CPQ: variants seen among roughly 807,000 people sequenced by gnomAD.
CPQ encodes carboxypeptidase Q.
CPQ carries 37 observed loss-of-function variants against 45.7 expected under a neutral mutation model. The observed-to-expected ratio is 0.81, with a 90% confidence interval of 0.62 to 1.07. The LOEUF (loss-of-function observed/expected upper bound fraction) is 1.07. Among genes scored for constraint, CPQ ranks in the 50% least tolerant of loss-of-function variants. The pLI is 0.00. For missense variants in CPQ, 537 were observed against 572.9 expected, an observed-to-expected ratio of 0.94 and a Z score of 0.64; for synonymous variants, 186 against 205.8, an observed-to-expected ratio of 0.90 and a Z score of 0.82.
chr8:96,790,072 C>T (rs1810826660), intron 2 of CPQ, among the ~76,000 whole-genome samples: 1 of 152,068 alleles, frequency 6.6e-6, no homozygotes, highest in Non-Finnish European at 1.5e-5. Context: ...CTACCAGCAC[C>T]CCCTTAATTG....
chr8:97,014,855 A>G (rs777100259), intron 5 of CPQ, among the ~76,000 whole-genome samples: 5 of 152,272 alleles, frequency 3.3e-5, no homozygotes, highest in South Asian at 2.1e-4. Context: ...CACCATAATC[A>G]TAAAAAGGAG....
chr8:96,683,070 C>T (rs72680200), intron 1 of CPQ, among the ~76,000 whole-genome samples: 1,821 of 152,058 alleles, frequency 0.012, 19 homozygotes, highest in South Asian at 0.018. Flanking sequence ...TTTTCTTTAG[C>T]GGTAATGTTT....
intron 1 of CPQ, among the ~76,000 whole-genome samples, chr8:96,675,953 T>C (rs1226972534): frequency 1.3e-5 from 2 of 152,044 alleles, no homozygotes; most frequent in African/African-American, 4.8e-5. Flanking sequence ...TAAGTTCCAA[T>C]TGGCTTTTTA....
intron 1 of CPQ, among the ~76,000 whole-genome samples, chr8:96,715,999 G>A (rs2130757788): frequency 6.6e-6 from 1 of 152,356 alleles, no homozygotes; most frequent in South Asian, 2.1e-4. Flanking sequence ...TAGACTCTGT[G>A]AGATCCTTTG....
chr8:96,727,005 T>C (rs72682322), intron 1 of CPQ, among the ~76,000 whole-genome samples: 4,349 of 152,322 alleles, frequency 0.029, 83 homozygotes, highest in Non-Finnish European at 0.044. Context: ...GTACATAGTT[T>C]ATTCATCCTC....
intron 4 of CPQ, among the ~76,000 whole-genome samples, chr8:96,898,937 T>A (rs531151081): frequency 6.6e-6 from 1 of 152,054 alleles, no homozygotes; most frequent in Non-Finnish European, 1.5e-5. Context: ...AATAGAGTTA[T>A]GGAGAGGCTC....
intron 6 of CPQ, among the ~76,000 whole-genome samples, chr8:97,033,505 CTT>C (rs760014731): frequency 2.4e-4 from 36 of 152,180 alleles, no homozygotes; most frequent in Admixed American, 1.5e-3. Context: ...ACAATGATCT[CTT>C]TCTCGTTTGT....
rs983907694 is a variant in CPQ at position 96,645,284 on chromosome 8, C to G, written c.-153C>G. 1.3e-5 allele frequency: 2 copies of G among 152,388 alleles called. No homozygotes were observed. The highest frequency in any genetic ancestry group is 2.9e-5 in the Non-Finnish European group (2 of 68,084). 9.4% of individuals were successfully genotyped at this position (152,388 alleles called of 1,614,324 possible). A position where few individuals can be genotyped will look rare whatever the true frequency, so the allele number is the denominator to read the frequency against. On this transcript the variant is annotated 5_prime_UTR_variant, in exon 1 of 8. Coordinates refer to ENST00000220763, the MANE Select transcript of CPQ (RefSeq NM_016134.4). ...TGGCCGGCAAGCAGGGCTGCAGTCA[C>G]GGGGCGGCGCGGAGGGCCCCAGCCC...
chr8:96,683,261 T>C (rs1809175754), intron 1 of CPQ, among the ~76,000 whole-genome samples: 1 of 152,196 alleles, frequency 6.6e-6, no homozygotes, highest in Non-Finnish European at 1.5e-5. Flanking sequence ...TTTCTTTCAT[T>C]TCTGAAGGAC....
chr8:97,039,799 C>A (rs559159094), intron 6 of CPQ, among the ~76,000 whole-genome samples: 45 of 152,058 alleles, frequency 3.0e-4, no homozygotes, highest in African/African-American at 9.6e-4. Context: ...CATGTCCCTA[C>A]AAAGGACATG....
intron 7 of CPQ, among the ~76,000 whole-genome samples, chr8:97,096,075 T>A (rs780211094): frequency 5.9e-5 from 9 of 152,180 alleles, no homozygotes; most frequent in Non-Finnish European, 1.3e-4. Context: ...ATGATGATGA[T>A]GATGATAGCT....
intron 5 of CPQ, among the ~76,000 whole-genome samples, chr8:96,993,446 C>G (rs1371580443): frequency 6.6e-6 from 1 of 152,020 alleles, no homozygotes; most frequent in African/African-American, 2.4e-5. Flanking sequence ...GTGGTAGTTC[C>G]ATATTTCTGT....
At chr8:96,820,430 A>G (rs1462499247) in intron 2 of CPQ, among the ~76,000 whole-genome samples, 2 of 151,988 alleles carry the variant, frequency 1.3e-5, no homozygotes, top group Non-Finnish European at 2.9e-5. Flanking sequence ...TTCAGTGGTA[A>G]TAAATGCATT....
chr8:96,689,408 T>C (rs1056897230), intron 1 of CPQ, among the ~76,000 whole-genome samples: 2 of 152,208 alleles, frequency 1.3e-5, no homozygotes, highest in African/African-American at 4.8e-5. Context: ...CATTCTATCC[T>C]GTAACCATAA....
intron 1 of CPQ, among the ~76,000 whole-genome samples, chr8:96,677,680 T>C (rs919946512): frequency 3.9e-5 from 6 of 152,070 alleles, no homozygotes; most frequent in Admixed American, 2.0e-4. Context: ...TTTAATTGGG[T>C]CCCATTTATT....
At chr8:96,716,571 C>A (rs879848386) in intron 1 of CPQ, among the ~76,000 whole-genome samples, 1 of 152,086 alleles carries the variant, frequency 6.6e-6, no homozygotes, top group Non-Finnish European at 1.5e-5. Flanking sequence ...TGAGTGAGAA[C>A]GTACGATGTT....
chr8:96,965,947 A>G lies in CPQ; in HGVS notation c.862A>G (p.Ser288Gly), dbSNP rs768550039. ...SKYPEQVVLV[S>G]GHLDSWDVGQ... ...TTATTTGTTCTAGGTTGTACTGGTC[A>G]GTGGACATCTGGACAGCTGGGATGT... is the stretch of plus-strand genomic sequence containing the variant. The change falls in exon 5 of 8, where the codon AGT becomes GGT. Residue 288 changes from serine to glycine, a missense_variant. Transcript: ENST00000220763. 4 of 1,612,106 alleles carry G rather than the reference A, an allele frequency of 2.5e-6. No individual in the cohort carries two copies. The East Asian group carries it at 6.7e-5, about 27-fold the overall frequency.
intron 7 of CPQ, among the ~76,000 whole-genome samples, chr8:97,125,566 G>A (rs1455988347): frequency 1.3e-5 from 2 of 152,106 alleles, no homozygotes; most frequent in East Asian, 3.8e-4. Flanking sequence ...GAAATTTAAG[G>A]TTGGTTTAAT....
At chr8:97,008,120 A>G in intron 5 of CPQ, among the ~76,000 whole-genome samples, 1 of 141,628 alleles carries the variant, frequency 7.1e-6, no homozygotes, top group East Asian at 2.1e-4. Context: ...GCTTGAGGAC[A>G]TGACCTGACC....
Sources: allele counts gnomAD v4.1 joint callset (sites outside exome capture counted in the v4.1 genomes callset), GRCh38; gene constraint gnomAD v4.1.1; transcripts MANE v1.5; gene names NCBI Gene and HGNC (gene_info 2026-07-23, HGNC 2026-07-21).